The following CERS6 variants were observed in gnomAD, a reference collection of about 807,000 sequenced individuals.
CERS6 encodes LAG1 homolog, ceramide synthase 6.
A neutral mutation model predicts 56.8 loss-of-function variants in CERS6; 26 were observed. That is an observed-to-expected ratio of 0.46 (90% confidence interval 0.34 to 0.63). The LOEUF is 0.63. Among genes scored for constraint, CERS6 ranks in the 30% least tolerant of loss-of-function variants. CERS6 has a pLI of 0.01. For synonymous variants in CERS6, 164 were observed against 173.3 expected (o/e 0.95, Z 0.42); for missense variants, 415 against 467.5 (o/e 0.89, Z 1.04).
intron 1 of CERS6, among the ~76,000 whole-genome samples, chr2:168,541,244 C>G (rs2105368794): frequency 6.6e-6 from 1 of 152,310 alleles, no homozygotes; most frequent in African/African-American, 2.4e-5. Flanking sequence ...AAGGCCCCAC[C>G]TTTCACATTG....
At chr2:168,686,417 A>G (rs1686353921) in intron 4 of CERS6, among the ~76,000 whole-genome samples, 4 of 147,802 alleles carry the variant, frequency 2.7e-5, no homozygotes, top group Non-Finnish European at 5.9e-5. Context: ...AAATAAATGA[A>G]TAAATAAAAA....
intron 1 of CERS6, among the ~76,000 whole-genome samples, chr2:168,501,870 A>G (rs1358412664): frequency 6.6e-6 from 1 of 152,212 alleles, no homozygotes; most frequent in East Asian, 1.9e-4. Context: ...TTTCCTAGGT[A>G]GTATTTTGGC....
intron 2 of CERS6, among the ~76,000 whole-genome samples, chr2:168,560,639 G>A (rs926111290): frequency 1.3e-5 from 2 of 152,152 alleles, no homozygotes; most frequent in East Asian, 3.8e-4. Context: ...GGGGACAAAG[G>A]ATATGAGAAG....
At chr2:168,711,609 C>A in intron 6 of CERS6, among the ~76,000 whole-genome samples, 1 of 151,832 alleles carries the variant, frequency 6.6e-6, no homozygotes, top group Non-Finnish European at 1.5e-5. Context: ...TGGCTCACAC[C>A]TGTAATCCCA....
intron 4 of CERS6, among the ~76,000 whole-genome samples, chr2:168,641,543 A>G (rs1164646503): frequency 6.6e-6 from 1 of 152,024 alleles, no homozygotes. Flanking sequence ...CCTCACCTTT[A>G]CCTAAAACCT....
chr2:168,539,441 AG>A (rs1157207194), intron 1 of CERS6, among the ~76,000 whole-genome samples: 1 of 152,260 alleles, frequency 6.6e-6, no homozygotes, highest in East Asian at 1.9e-4. Context: ...GATCTAAAAA[AG>A]AATTAAACAT....
intron 3 of CERS6, among the ~76,000 whole-genome samples, chr2:168,596,541 C>A (rs1683801017): frequency 7.0e-6 from 1 of 143,660 alleles, no homozygotes; most frequent in African/African-American, 2.7e-5. Flanking sequence ...TGTTTCAGGG[C>A]CCCATCCCCC....
At chr2:168,548,275 A>G (rs1695503259) in intron 2 of CERS6, among the ~76,000 whole-genome samples, 1 of 152,160 alleles carries the variant, frequency 6.6e-6, no homozygotes, top group African/African-American at 2.4e-5. Context: ...GAGATACTCA[A>G]TCTGGTGGGA....
rs112858320 is a variant in CERS6, at chr2:168,547,659, G to A, written c.234G>A (p.Pro78=). 3.8e-4 allele frequency: 617 copies of A among 1,613,664 alleles called. 5 individuals are homozygous for A. In the African/African-American group the frequency reaches 6.7e-3, roughly 18 times the overall value. Residue 78 remains proline, a synonymous_variant, in exon 2 of 10, where the codon CCG becomes CCA. Coordinates refer to ENST00000305747, the MANE Select transcript of CERS6 (RefSeq NM_203463.3). ...NIQANGPQIA[P]PNAILEKVFT... ...AGGCCAATGGACCACAAATTGCTCCGCCCAATGCCATTCTGGAAAAGGTCT... is the reference window on the plus strand; with the variant it reads ...AGGCCAATGGACCACAAATTGCTCCACCCAATGCCATTCTGGAAAAGGTCT...
chr2:168,474,423 A>G (rs1694031432), intron 1 of CERS6, among the ~76,000 whole-genome samples: 1 of 152,234 alleles, frequency 6.6e-6, no homozygotes, highest in Non-Finnish European at 1.5e-5. Context: ...AAACCTTTCA[A>G]GAAAAATTAT....
chr2:168,649,278 A>T (rs1307853798), intron 4 of CERS6, among the ~76,000 whole-genome samples: 1 of 152,032 alleles, frequency 6.6e-6, no homozygotes, highest in African/African-American at 2.4e-5. Context: ...CAGAGAGGTT[A>T]TGTAACCTTA....
intron 4 of CERS6, among the ~76,000 whole-genome samples, chr2:168,669,554 T>A (rs1277718899): frequency 6.6e-6 from 1 of 152,142 alleles, no homozygotes; most frequent in Non-Finnish European, 1.5e-5. Context: ...CTGCTCAAGA[T>A]AGATAAAGCC....
At chr2:168,662,127 C>CTTTTTTTTTT (rs71397658) in intron 4 of CERS6, among the ~76,000 whole-genome samples, 1 of 136,812 alleles carries the variant, frequency 7.3e-6, no homozygotes, top group South Asian at 2.3e-4. Context: ...AAGGCTGTCT[C>CTTTTTTTTTT]TTTTTTTTTT....
chr2:168,457,028 C>T (rs1462827173), intron 1 of CERS6, among the ~76,000 whole-genome samples: 1 of 152,218 alleles, frequency 6.6e-6, no homozygotes, highest in African/African-American at 2.4e-5. Flanking sequence ...CCGCGCCACC[C>T]ACCTGACAGC....
intron 1 of CERS6, among the ~76,000 whole-genome samples, chr2:168,477,935 GTTTA>G: frequency 6.6e-6 from 1 of 152,218 alleles, no homozygotes. Flanking sequence ...TTTTGGGAGT[GTTTA>G]TTGTTTTATA....
At chr2:168,551,196 C>G (rs889964720) in intron 2 of CERS6, among the ~76,000 whole-genome samples, 3 of 152,308 alleles carry the variant, frequency 2.0e-5, no homozygotes, top group Non-Finnish European at 2.9e-5. Flanking sequence ...ATCTGGTTCT[C>G]CTTTGTGAAA....
intron 2 of CERS6, among the ~76,000 whole-genome samples, chr2:168,552,248 A>C (rs574736867): frequency 3.3e-5 from 5 of 151,944 alleles, no homozygotes; most frequent in Non-Finnish European, 7.4e-5. Flanking sequence ...TGTTTATGTG[A>C]GTCTCCATTA....
In CERS6 at chr2:168,707,108, G is replaced by C. The variant is rs186704725; in HGVS notation, c.610-7893G>C. Among the ~76,000 whole-genome samples the C allele has an allele frequency of 5.3e-5, 8 of 152,348 alleles. No homozygotes were observed. In the East Asian group the frequency reaches 1.4e-3, roughly 26 times the overall value. ...GTCAGATTTGAGAATGGCTAGTAGA[G>C]ATAATTAAATCACATCAGTATACAT... On this transcript the variant is annotated intron_variant, in intron 6 of 9. Transcript: ENST00000305747.
rs1687272526 is a variant in CERS6, at chr2:168,718,100, A to G, written c.845+122A>G. The stretch of plus-strand genomic sequence containing the variant: ...TTAAATATATTGGGGGGGAGGGGAA[A>G]TACCTCAAGAAGCTGCTTGATTTCT... On this transcript the variant is annotated intron_variant, in intron 8 of 9. Transcript: ENST00000305747. 1.1e-5 allele frequency: 7 copies of G among 648,070 alleles called. No homozygotes were observed. In the South Asian group the frequency reaches 1.2e-4, roughly 11 times the overall value. 40.1% of individuals were successfully genotyped at this position (648,070 alleles called of 1,614,324 possible).
Sources: gnomAD v4.1 joint callset for allele counts (sites outside exome capture counted in the v4.1 genomes callset) on GRCh38, gnomAD v4.1.1 for gene constraint, MANE v1.5 for transcripts, NCBI Gene and HGNC (gene_info 2026-07-23, HGNC 2026-07-21) for gene names.